Variants in NAV3 observed in about 807,000 individuals in gnomAD.
The protein encoded by NAV3 is pore membrane and/or filament interacting like protein 1.
In NAV3, 87 loss-of-function variants were observed where a neutral mutation model predicts 244.7. The observed-to-expected ratio is 0.36, with a 90% CI of 0.30 to 0.42. NAV3 has a LOEUF of 0.42. NAV3 is among the 20% of genes least tolerant of loss of function. NAV3 has a pLI of 1.00. For synonymous variants in NAV3, 1,126 were observed against 1,042.2 expected (o/e 1.08, Z -1.55); for missense variants, 2,663 against 2,893.3 (o/e 0.92, Z 1.83).
At chr12:77,779,800 G>A (rs1174976680) in intron 2 of NAV3, among the ~76,000 whole-genome samples, 1 of 152,168 alleles carries the variant, frequency 6.6e-6, no homozygotes, top group Non-Finnish European at 1.5e-5. Flanking sequence ...AGGAGAAGCA[G>A]GAGAGGCCTG....
intron 2 of NAV3, among the ~76,000 whole-genome samples, chr12:77,624,431 G>T (rs117352554): frequency 0.025 from 3,762 of 152,146 alleles, 61 homozygotes; most frequent in Middle Eastern, 0.086. Flanking sequence ...AGAAGCCACT[G>T]GAAGATCCTA....
chr12:77,584,542 G>A (rs1208955740), intron 2 of NAV3, among the ~76,000 whole-genome samples: 2 of 152,058 alleles, frequency 1.3e-5, no homozygotes, highest in East Asian at 1.9e-4. Flanking sequence ...TATGAGGGAA[G>A]GGCAGAACTT....
intron 2 of NAV3, among the ~76,000 whole-genome samples, chr12:77,725,242 A>T (rs1030193924): frequency 6.6e-6 from 1 of 152,004 alleles, no homozygotes; most frequent in African/African-American, 2.4e-5. Context: ...GGATAAGAAG[A>T]GGATAAAATA....
intron 2 of NAV3, among the ~76,000 whole-genome samples, chr12:77,632,526 G>A (rs1206859026): frequency 6.6e-6 from 1 of 152,098 alleles, no homozygotes; most frequent in Non-Finnish European, 1.5e-5. Flanking sequence ...AAGAACATCA[G>A]GGCAAAGACC....
chr12:77,968,240 G>A (rs945368031), intron 4 of NAV3, among the ~76,000 whole-genome samples: 2 of 152,158 alleles, frequency 1.3e-5, no homozygotes, highest in Non-Finnish European at 2.9e-5. Flanking sequence ...CAGCTAACTC[G>A]AGAAAAATTG....
intron 6 of NAV3, among the ~76,000 whole-genome samples, chr12:77,995,101 C>T (rs888761746): frequency 2.0e-5 from 3 of 152,066 alleles, no homozygotes; most frequent in Non-Finnish European, 4.4e-5. Flanking sequence ...AGTGCTATAA[C>T]TGGGCTTAAG....
rs142259143 is a variant in NAV3 at position 77,580,122 on chromosome 12, T to G, written c.72+7856T>G. Among the ~76,000 whole-genome samples, 508 of 152,134 alleles carry G rather than the reference T, an allele frequency of 3.3e-3. 4 individuals carry two copies. The highest frequency in any genetic ancestry group is 0.012 in the African/African-American group (493 of 41,494). On this transcript the variant is annotated intron_variant, in intron 2 of 8. Transcript: ENST00000550042. ...TCAAATCACGGCACTCCATTTTAGA[T>G]TTCCCTCTCCAAACTGCATATAACA...
At chr12:78,044,573 T>A (rs1455893776) in intron 9 of NAV3, among the ~76,000 whole-genome samples, 1 of 152,204 alleles carries the variant, frequency 6.6e-6, no homozygotes, top group Admixed American at 6.5e-5. Context: ...GCATGGAATG[T>A]TTTTTCGTTT....
intron 5 of NAV3, among the ~76,000 whole-genome samples, chr12:77,983,673 A>G (rs1331768078): frequency 6.6e-6 from 1 of 152,134 alleles, no homozygotes; most frequent in African/African-American, 2.4e-5. Context: ...AAGTAGGGGA[A>G]AGAAAGGAGA....
intron 12 of NAV3, among the ~76,000 whole-genome samples, chr12:78,110,839 T>C (rs767577568): frequency 3.7e-4 from 57 of 152,020 alleles, no homozygotes; most frequent in Non-Finnish European, 7.1e-4. Flanking sequence ...TATCTGCCAT[T>C]AAAAAGAATG....
intron 9 of NAV3, among the ~76,000 whole-genome samples, chr12:78,038,573 T>G (rs1340844255): frequency 6.6e-6 from 1 of 152,206 alleles, no homozygotes; most frequent in Non-Finnish European, 1.5e-5. Flanking sequence ...AAGAGTAATC[T>G]TTCCACAGTT....
intron 2 of NAV3, among the ~76,000 whole-genome samples, chr12:77,620,247 T>C (rs1871315580): frequency 6.6e-6 from 1 of 152,038 alleles, no homozygotes; most frequent in Non-Finnish European, 1.5e-5. Context: ...TATAATAGGG[T>C]TTTATGAACA....
At chr12:77,658,708 A>T (rs1405091062) in intron 2 of NAV3, among the ~76,000 whole-genome samples, 2 of 152,090 alleles carry the variant, frequency 1.3e-5, no homozygotes, top group South Asian at 2.1e-4. Flanking sequence ...ACTTCAAACT[A>T]TACTACAAGG....
intron 2 of NAV3, among the ~76,000 whole-genome samples, chr12:77,674,681 G>A (rs1261073528): frequency 4.6e-5 from 7 of 152,138 alleles, no homozygotes; most frequent in Non-Finnish European, 1.0e-4. Flanking sequence ...TAGCCACCAT[G>A]CCCAGTCTAT....
At chr12:77,746,467 CTACAAG>C (rs1868548596) in intron 2 of NAV3, among the ~76,000 whole-genome samples, 1 of 152,044 alleles carries the variant, frequency 6.6e-6, no homozygotes, top group African/African-American at 2.4e-5. Flanking sequence ...TTCAATCTAC[CTACAAG>C]TACATCTATA....
intron 2 of NAV3, among the ~76,000 whole-genome samples, chr12:77,778,573 C>G (rs1013303879): frequency 2.7e-5 from 4 of 148,080 alleles, no homozygotes; most frequent in Non-Finnish European, 4.4e-5. Flanking sequence ...GATCGCGCCA[C>G]TGCACTCCAG....
At position 77,831,165 on chromosome 12, in the gene NAV3, G is replaced by GAC; in HGVS notation, c.-296_-295insCA. 2.1e-5 allele frequency: 3 copies of GAC among 144,452 alleles called. No individual in the cohort carries two copies. Among genetic ancestry groups the GAC allele is most frequent in the South Asian group, 1.5e-4 (1 of 6,506 alleles). 8.9% of individuals were successfully genotyped at this position (144,452 alleles called of 1,614,324 possible). A position where few individuals can be genotyped will look rare whatever the true frequency, so the allele number is the denominator to read the frequency against. On this transcript the variant is annotated 5_prime_UTR_variant, in exon 1 of 40. Transcript: ENST00000397909. ...GAGTCACTGAACAGAGAGAGAGAGA[G>GAC]AGACAGAGAGAGAGAGAGAGAGAGA...
intron 12 of NAV3, among the ~76,000 whole-genome samples, chr12:78,096,905 C>T (rs1954282307): frequency 6.6e-6 from 1 of 152,200 alleles, no homozygotes; most frequent in African/African-American, 2.4e-5. Flanking sequence ...CCTCTCTCTG[C>T]CTTGCTTCTG....
intron 2 of NAV3, among the ~76,000 whole-genome samples, chr12:77,676,433 A>G (rs1177743069): frequency 2.0e-5 from 3 of 152,146 alleles, no homozygotes; most frequent in Non-Finnish European, 4.4e-5. Context: ...GCTGACAAGC[A>G]TGTCTTATAG....
Sources: allele counts gnomAD v4.1 joint callset (sites outside exome capture counted in the v4.1 genomes callset), GRCh38; gene constraint gnomAD v4.1.1; transcripts MANE v1.5; gene names NCBI Gene and HGNC (gene_info 2026-07-23, HGNC 2026-07-21).